Variants in ZBTB41 observed in about 807,000 individuals in gnomAD.
ZBTB41 encodes zinc finger and BTB domain-containing protein 41.
ZBTB41 carries 42 observed loss-of-function variants against 87.6 expected under a neutral mutation model. The observed-to-expected ratio is 0.48, with a 90% CI of 0.37 to 0.62. ZBTB41 has a LOEUF of 0.62. ZBTB41 is among the 20% of genes least tolerant of loss of function. The pLI is 0.00. For synonymous variants in ZBTB41, 364 were observed against 364.0 expected (o/e 1.00, Z 0.00); for missense variants, 799 against 1,078.9 (o/e 0.74, Z 3.63).
chr1:197,172,271 GTT>G, intron 9 of ZBTB41, 23 bp from the exon 10 acceptor site: 1 of 904,432 alleles, frequency 1.1e-6, no homozygotes, highest in Non-Finnish European at 1.5e-6. Context: ...AAAGATTTGA[GTT>G]TTTCAATATA....
Position 197,199,829 on chromosome 1 carries a change from A to C in ZBTB41, c.645T>G (p.His215Gln), listed in dbSNP as rs750410841. Residue 215 changes from histidine to glutamine, a missense_variant, in exon 2 of 11, where the codon CAT becomes CAG. This residue lies in a region of ZBTB41 where 294 missense variants were observed against 340.1 expected (regional missense o/e 0.86). Coordinates refer to ENST00000367405, the MANE Select transcript of ZBTB41 (RefSeq NM_194314.3). ...NNHQCKFCSR[H>Q]FCYKKSLENH... ...TCTCTAAAGACTTTTTATAACAAAA[A>C]TGTCTACTACAGAATTTGCACTGAT... 1 of 1,610,700 alleles carries C rather than the reference A, an allele frequency of 6.2e-7. No homozygotes were observed. Among genetic ancestry groups the C allele is most frequent in the Non-Finnish European group, 8.5e-7 (1 of 1,178,866 alleles).
chr1:197,160,059 A>T lies in ZBTB41; in HGVS notation c.2075-45T>A, dbSNP rs746170038. 8 of 1,477,558 alleles carry T rather than the reference A, an allele frequency of 5.4e-6. No homozygotes were observed. The South Asian group carries it at 6.2e-5, about 12-fold the overall frequency. 91.5% of individuals were successfully genotyped at this position (1,477,558 alleles called of 1,614,324 possible). The stretch of plus-strand genomic sequence containing the variant: ...TATAATTAGATGTAAAATGTACTCA[A>T]CTTGATAAGACAATGACTTCAAGTA... On this transcript the variant is annotated intron_variant, in intron 10 of 10. Transcript: ENST00000367405.
chr1:197,178,166 A>G (rs1465574360), intron 7 of ZBTB41, among the ~76,000 whole-genome samples: 1 of 152,004 alleles, frequency 6.6e-6, no homozygotes, highest in African/African-American at 2.4e-5. Flanking sequence ...TGAAATAAAT[A>G]TTTAAATAAT....
In ZBTB41 at chr1:197,200,957, G is replaced by C. The variant is rs572629302; in HGVS notation, c.-118+266C>G. On this transcript the variant is annotated intron_variant, in intron 1 of 10. Transcript: ENST00000367405. Reference sequence around the variant, plus strand: ...GACAATAAGGCCGTGGCGGCCGCGAGATCCGAGTCTCTCCATTAACATGCT... The same window carrying C: ...GACAATAAGGCCGTGGCGGCCGCGACATCCGAGTCTCTCCATTAACATGCT... 1.4e-3 allele frequency among the ~76,000 whole-genome samples: 220 copies of C among 152,308 alleles called. 1 individual carries two copies. Among genetic ancestry groups the C allele is most frequent in the African/African-American group, 5.0e-3 (209 of 41,560 alleles).
rs1274727640 is a variant in ZBTB41, at chr1:197,157,088, A to G, written c.*2271T>C. ...GTTTAAGTTATCTACAATAGTAACT[A>G]AATACAATTATATTATTATATTTCA... On this transcript the variant is annotated 3_prime_UTR_variant, in exon 11 of 11. Transcript: ENST00000367405. 1 of 152,256 alleles carries G rather than the reference A, an allele frequency of 6.6e-6. No homozygotes were observed. Among genetic ancestry groups the G allele is most frequent in the Non-Finnish European group, 1.5e-5 (1 of 67,784 alleles). 9.4% of individuals were successfully genotyped at this position (152,256 alleles called of 1,614,324 possible).
intron 2 of ZBTB41, among the ~76,000 whole-genome samples, chr1:197,193,484 T>C (rs914890747): frequency 6.6e-6 from 1 of 152,108 alleles, no homozygotes; most frequent in African/African-American, 2.4e-5. Flanking sequence ...AGTCATAATA[T>C]GGACATGTAG....
chr1:197,192,253 G>A (rs1197553694), intron 2 of ZBTB41, among the ~76,000 whole-genome samples: 4 of 151,912 alleles, frequency 2.6e-5, no homozygotes, highest in Non-Finnish European at 5.9e-5. Context: ...TTAACTTTTA[G>A]CAAAAGATCA....
chr1:197,197,572 G>A (rs1249052814), intron 2 of ZBTB41, among the ~76,000 whole-genome samples: 1 of 145,316 alleles, frequency 6.9e-6, no homozygotes, highest in African/African-American at 2.5e-5. Context: ...AAGGAGGGAG[G>A]GAGGGAGGGA....
At chr1:197,195,753 A>G (rs1339948625) in intron 2 of ZBTB41, among the ~76,000 whole-genome samples, 1 of 152,168 alleles carries the variant, frequency 6.6e-6, no homozygotes. Flanking sequence ...TTGCCTGTTT[A>G]TCCACTAGGT....
At position 197,158,754 on chromosome 1, in the gene ZBTB41, T is replaced by A. The variant is rs1659129226; in HGVS notation, c.*605A>T. ...AAATAATAGCTAATCTTACATTAGT[T>A]AAGCTTTCTGGCTTTGAGTATATCA... On this transcript the variant is annotated 3_prime_UTR_variant, in exon 11 of 11. Coordinates refer to ENST00000367405, the MANE Select transcript of ZBTB41 (RefSeq NM_194314.3). 1.3e-5 allele frequency: 2 copies of A among 152,138 alleles called. No individual in the cohort carries two copies. Among genetic ancestry groups the A allele is most frequent in the Non-Finnish European group, 2.9e-5 (2 of 68,008 alleles). The allele number at this position is 152,138 out of a possible 1,614,324, so 9.4% of individuals were successfully genotyped here.
chr1:197,170,732 G>T (rs964785783), intron 10 of ZBTB41, among the ~76,000 whole-genome samples: 4 of 152,126 alleles, frequency 2.6e-5, no homozygotes, highest in African/African-American at 9.7e-5. Context: ...ATACAGGCAT[G>T]CTTCATCTGT....
chr1:197,171,847 AAAG>A (rs1448488699), intron 10 of ZBTB41, among the ~76,000 whole-genome samples: 3 of 151,976 alleles, frequency 2.0e-5, no homozygotes, highest in Non-Finnish European at 4.4e-5. Flanking sequence ...AAAGCAAAAT[AAAG>A]AAGAATCATA....
chr1:197,188,504 A>G, intron 4 of ZBTB41, 65 bp from the exon 5 acceptor site: 1 of 1,393,612 alleles, frequency 7.2e-7, no homozygotes, highest in Non-Finnish European at 9.6e-7. Context: ...TTAAGCTTGT[A>G]ATGAGAAGAA....
chr1:197,176,578 T>TTG lies in ZBTB41; in HGVS notation c.1863_1864dup (p.Lys622ThrfsTer91). The TTG allele has an allele frequency of 6.2e-7, 1 of 1,610,512 alleles. No individual in the cohort carries two copies. The highest frequency in any genetic ancestry group is 8.5e-7 in the Non-Finnish European group (1 of 1,178,272). On this transcript the variant is annotated frameshift_variant, in exon 8 of 11. Coordinates refer to ENST00000367405, the MANE Select transcript of ZBTB41 (RefSeq NM_194314.3). LOFTEE classifies it high-confidence loss of function. ...ATATGGTATACCTGAATGTATTTTT[T>TTG]TGTGCTTTGTAAGGTGATCATGACG...
At chr1:197,194,210 G>T (rs549702550) in intron 2 of ZBTB41, among the ~76,000 whole-genome samples, 1 of 151,942 alleles carries the variant, frequency 6.6e-6, no homozygotes, top group Admixed American at 6.6e-5. Flanking sequence ...GTAGACACGG[G>T]TTTCATCATA....
chr1:197,196,355 T>G (rs1212435136), intron 2 of ZBTB41, among the ~76,000 whole-genome samples: 2 of 152,324 alleles, frequency 1.3e-5, no homozygotes, highest in Non-Finnish European at 1.5e-5. Flanking sequence ...ATTCTTTTCA[T>G]TCTACTCATC....
intron 5 of ZBTB41, among the ~76,000 whole-genome samples, chr1:197,182,783 T>C (rs988227498): frequency 3.9e-5 from 6 of 152,212 alleles, no homozygotes; most frequent in African/African-American, 1.4e-4. Flanking sequence ...CTAGACCATT[T>C]GCACCAGCAC....
intron 10 of ZBTB41, among the ~76,000 whole-genome samples, chr1:197,162,791 CTA>C (rs972685648): frequency 2.0e-5 from 3 of 152,180 alleles, no homozygotes; most frequent in Non-Finnish European, 4.4e-5. Flanking sequence ...CAGAGTCAGT[CTA>C]TGAGGAAATA....
intron 9 of ZBTB41, among the ~76,000 whole-genome samples, chr1:197,173,961 A>G (rs1007049145): frequency 3.3e-5 from 5 of 152,148 alleles, no homozygotes; most frequent in Admixed American, 2.6e-4. Flanking sequence ...GTCCTACAAT[A>G]CACAAGAAAA....
Sources: gnomAD v4.1 joint callset for allele counts (sites outside exome capture counted in the v4.1 genomes callset) on GRCh38, gnomAD v4.1.1 for gene constraint, gnomAD v4.1.1 regional missense constraint, MANE v1.5 for transcripts, NCBI Gene and HGNC (gene_info 2026-07-23, HGNC 2026-07-21) for gene names.